Variants in THADA observed in about 807,000 individuals in gnomAD.
The protein encoded by THADA is THADA armadillo repeat containing.
Under a neutral mutation model 219.8 loss-of-function variants are expected in THADA, and 213 were observed. The ratio of observed to expected loss-of-function variants is 0.97; its 90% CI spans 0.87 to 1.09. The LOEUF (loss-of-function observed/expected upper bound fraction) is 1.09, where lower values mean the gene tolerates loss of function less well. THADA is among the 50% of genes least tolerant of loss of function. The pLI, the probability that THADA is intolerant of heterozygous loss-of-function variation, is 0.00. For missense variants in THADA, 2,956 were observed against 2,311.3 expected (o/e 1.28, Z -5.72); for synonymous variants, 1,018 against 828.9 (o/e 1.23, Z -3.92).
At chr2:43,514,137 TA>T (rs1262690341) in intron 22 of THADA, among the ~76,000 whole-genome samples, 2 of 149,304 alleles carry the variant, frequency 1.3e-5, no homozygotes, top group African/African-American at 4.9e-5. Flanking sequence ...TGTATAAAAA[TA>T]AAAAAGACTA....
chr2:43,460,731 A>G (rs916324726), intron 26 of THADA, among the ~76,000 whole-genome samples: 1 of 152,170 alleles, frequency 6.6e-6, no homozygotes, highest in African/African-American at 2.4e-5. Context: ...ACCACAAATG[A>G]AGGGTTGGCG....
chr2:43,470,120 A>G (rs1309518576), intron 26 of THADA, among the ~76,000 whole-genome samples: 1 of 150,580 alleles, frequency 6.6e-6, no homozygotes. Context: ...AGGCAAGAGA[A>G]TTGCTTGAAC....
chr2:43,500,354 C>G (rs2105066274), intron 24 of THADA, among the ~76,000 whole-genome samples: 1 of 152,196 alleles, frequency 6.6e-6, no homozygotes, highest in East Asian at 1.9e-4. Context: ...CTTTGTGAAA[C>G]TGTACTGAGG....
chr2:43,287,147 G>A, intron 34 of THADA, 86 bp from the exon 35 acceptor site: 1 of 1,285,856 alleles, frequency 7.8e-7, no homozygotes, highest in Non-Finnish European at 1.1e-6. Context: ...ACCAAACTGG[G>A]CCTGTAGATT....
chr2:43,547,000 T>C (rs375468634), intron 20 of THADA, among the ~76,000 whole-genome samples: 3 of 152,214 alleles, frequency 2.0e-5, no homozygotes, highest in African/African-American at 4.8e-5. Flanking sequence ...GATTTTGCAG[T>C]GGCTGGTACC....
At chr2:43,317,996 T>G (rs1010311523) in intron 31 of THADA, among the ~76,000 whole-genome samples, 14 of 152,182 alleles carry the variant, frequency 9.2e-5, no homozygotes, top group Non-Finnish European at 1.9e-4. Flanking sequence ...AATGACAGTT[T>G]TACTTTGTTA....
intron 36 of THADA, among the ~76,000 whole-genome samples, chr2:43,271,022 G>A (rs752122936): frequency 5.3e-5 from 8 of 152,164 alleles, no homozygotes; most frequent in Non-Finnish European, 8.8e-5. Flanking sequence ...AAGAGCAGAC[G>A]GGGCTCTGGG....
At chr2:43,559,069 T>C (rs1697743255) in intron 16 of THADA, among the ~76,000 whole-genome samples, 1 of 152,180 alleles carries the variant, frequency 6.6e-6, no homozygotes, top group African/African-American at 2.4e-5. Flanking sequence ...CTCAAAATAT[T>C]TGCCAAGAAT....
At chr2:43,422,743 G>T (rs574063067) in intron 28 of THADA, among the ~76,000 whole-genome samples, 2 of 152,116 alleles carry the variant, frequency 1.3e-5, no homozygotes, top group South Asian at 2.1e-4. Context: ...GGGGGACAGG[G>T]TCTCGCTCTG....
chr2:43,408,346 T>C (rs1366649358), intron 28 of THADA: 1 of 152,206 alleles, frequency 6.6e-6, no homozygotes, highest in African/African-American at 2.4e-5. Flanking sequence ...ATTGGAACGA[T>C]ACTGAGAAGA....
chr2:43,487,591 C>G (rs1405775769), intron 25 of THADA, among the ~76,000 whole-genome samples: 1 of 152,138 alleles, frequency 6.6e-6, no homozygotes. Context: ...TTGTGTTCCC[C>G]AAAAATTCAC....
At chr2:43,261,410 G>A (rs1316302077) in intron 36 of THADA, among the ~76,000 whole-genome samples, 2 of 150,896 alleles carry the variant, frequency 1.3e-5, no homozygotes, top group African/African-American at 4.9e-5. Context: ...TTTTAGTAGA[G>A]ATGGGGTTTC....
chr2:43,588,597 A>G (rs1701234990), intron 4 of THADA, among the ~76,000 whole-genome samples: 1 of 152,200 alleles, frequency 6.6e-6, no homozygotes, highest in Non-Finnish European at 1.5e-5. Flanking sequence ...ACATTAAAAA[A>G]TGTTCAATTA....
chr2:43,518,360 G>C (rs1332691467), intron 22 of THADA, among the ~76,000 whole-genome samples: 1 of 152,178 alleles, frequency 6.6e-6, no homozygotes, highest in African/African-American at 2.4e-5. Context: ...AGTTGATGCA[G>C]CTGCTTAGCT....
At chr2:43,338,154 CTTTTTTTTT>C (rs35928615) in intron 30 of THADA, among the ~76,000 whole-genome samples, 2 of 126,362 alleles carry the variant, frequency 1.6e-5, no homozygotes, top group African/African-American at 5.9e-5. Flanking sequence ...ATCACCAGAA[CTTTTTTTTT>C]TTTTTTTTTT....
chr2:43,269,571 A>G (rs1671900846), intron 36 of THADA, among the ~76,000 whole-genome samples: 2 of 152,210 alleles, frequency 1.3e-5, no homozygotes, highest in South Asian at 4.1e-4. Context: ...TGGAACAGCA[A>G]CTGATGGCAC....
chr2:43,324,901 G>C (rs780976952), intron 30 of THADA, among the ~76,000 whole-genome samples: 3 of 152,166 alleles, frequency 2.0e-5, no homozygotes, highest in Non-Finnish European at 2.9e-5. Context: ...AATCAGAAGT[G>C]ATCAGCATGT....
chr2:43,494,182 T>C (rs948715608), intron 25 of THADA, among the ~76,000 whole-genome samples: 1 of 152,186 alleles, frequency 6.6e-6, no homozygotes, highest in African/African-American at 2.4e-5. Context: ...CTTTGACCAG[T>C]AAAAGACAAA....
At chr2:43,255,709 G>C (rs1161924989) in intron 36 of THADA, among the ~76,000 whole-genome samples, 2 of 152,182 alleles carry the variant, frequency 1.3e-5, no homozygotes, top group African/African-American at 4.8e-5. Flanking sequence ...CACACACCCC[G>C]GGAAGCTCAG....
Sources: gnomAD v4.1 joint callset for allele counts (sites outside exome capture counted in the v4.1 genomes callset) on GRCh38, gnomAD v4.1.1 for gene constraint, MANE v1.5 for transcripts, NCBI Gene and HGNC (gene_info 2026-07-23, HGNC 2026-07-21) for gene names.